Variants in MOB3B observed in about 807,000 individuals in gnomAD.
The protein encoded by MOB3B is MOB kinase activator-like 2B.
In MOB3B, 7 loss-of-function variants were observed where a neutral mutation model predicts 18.7. That is an observed-to-expected ratio of 0.37 (90% CI 0.21 to 0.70). The LOEUF (loss-of-function observed/expected upper bound fraction) is 0.70. Among genes scored for constraint, MOB3B ranks in the 30% least tolerant of loss-of-function variants. MOB3B has a pLI of 0.52. For synonymous variants in MOB3B, 111 were observed against 99.9 expected (o/e 1.11, Z -0.66); for missense variants, 253 against 281.3 (o/e 0.90, Z 0.72).
chr9:27,398,336 C>T (rs1821830673), intron 2 of MOB3B, among the ~76,000 whole-genome samples: 1 of 152,206 alleles, frequency 6.6e-6, no homozygotes, highest in Admixed American at 6.5e-5. Context: ...AGAGCAAGAA[C>T]TAACCAATGG....
At chr9:27,390,275 G>C (rs1485787870) in intron 2 of MOB3B, among the ~76,000 whole-genome samples, 1 of 152,070 alleles carries the variant, frequency 6.6e-6, no homozygotes, top group East Asian at 1.9e-4. Context: ...TTTTGAGACT[G>C]AGTCTCACTC....
chr9:27,449,621 C>G (rs1433238970), intron 2 of MOB3B, among the ~76,000 whole-genome samples: 2 of 152,146 alleles, frequency 1.3e-5, no homozygotes, highest in Non-Finnish European at 2.9e-5. Flanking sequence ...CCCATTCTGT[C>G]TTGCTAGCGT....
intron 1 of MOB3B, among the ~76,000 whole-genome samples, chr9:27,515,840 C>T (rs1820223910): frequency 6.6e-6 from 1 of 152,156 alleles, no homozygotes; most frequent in Non-Finnish European, 1.5e-5. Flanking sequence ...CTGTGTCTCC[C>T]CCAAAAATAT....
intron 2 of MOB3B, among the ~76,000 whole-genome samples, chr9:27,427,392 G>A (rs967999910): frequency 2.0e-5 from 3 of 152,220 alleles, no homozygotes; most frequent in Non-Finnish European, 4.4e-5. Context: ...TGTGGCTAAC[G>A]TCAAACATTC....
chr9:27,369,865 G>C (rs1821390436), intron 2 of MOB3B, among the ~76,000 whole-genome samples: 1 of 151,320 alleles, frequency 6.6e-6, no homozygotes, highest in Admixed American at 6.6e-5. Flanking sequence ...CTCACCCTCA[G>C]TCTAGGTAGG....
intron 1 of MOB3B, among the ~76,000 whole-genome samples, chr9:27,499,794 A>G (rs536308552): frequency 4.4e-4 from 67 of 152,288 alleles, no homozygotes; most frequent in African/African-American, 1.4e-3. Flanking sequence ...TGTATCTAAT[A>G]CTGAAGGATC....
At chr9:27,513,936 GTGGA>G (rs1452840741) in intron 1 of MOB3B, among the ~76,000 whole-genome samples, 1 of 142,080 alleles carries the variant, frequency 7.0e-6, no homozygotes, top group Admixed American at 7.1e-5. Flanking sequence ...TGGTGGGTGG[GTGGA>G]TGGATGGAAT....
chr9:27,405,869 T>C (rs1021798559), intron 2 of MOB3B, among the ~76,000 whole-genome samples: 3 of 152,132 alleles, frequency 2.0e-5, no homozygotes, highest in Non-Finnish European at 2.9e-5. Flanking sequence ...TTCAATGAAA[T>C]TCAACATTGA....
At chr9:27,360,922 G>C (rs1295876273) in intron 2 of MOB3B, among the ~76,000 whole-genome samples, 1 of 152,180 alleles carries the variant, frequency 6.6e-6, no homozygotes, top group Non-Finnish European at 1.5e-5. Flanking sequence ...TAGAGCCAAG[G>C]AGAAGGTGGA....
chr9:27,425,335 A>C (rs1361300951), intron 2 of MOB3B, among the ~76,000 whole-genome samples: 2 of 150,664 alleles, frequency 1.3e-5, no homozygotes, highest in Non-Finnish European at 3.0e-5. Context: ...AGAGCGCGCC[A>C]TTGCACTCCA....
At chr9:27,496,036 T>C (rs933154024) in intron 1 of MOB3B, among the ~76,000 whole-genome samples, 1 of 152,218 alleles carries the variant, frequency 6.6e-6, no homozygotes, top group African/African-American at 2.4e-5. Flanking sequence ...CTAAGGCACA[T>C]AGAAGCGTTA....
chr9:27,510,937 C>T (rs1466080927), intron 1 of MOB3B, among the ~76,000 whole-genome samples: 1 of 152,156 alleles, frequency 6.6e-6, no homozygotes, highest in African/African-American at 2.4e-5. Context: ...CCTCCTTTTG[C>T]CACAGAAGTC....
intron 2 of MOB3B, among the ~76,000 whole-genome samples, chr9:27,401,565 A>G (rs942565786): frequency 6.6e-6 from 1 of 152,136 alleles, no homozygotes; most frequent in African/African-American, 2.4e-5. Context: ...CCACAGGTAT[A>G]TTACCCCTTA....
intron 2 of MOB3B, among the ~76,000 whole-genome samples, chr9:27,448,688 G>C (rs1822734106): frequency 6.6e-6 from 1 of 152,182 alleles, no homozygotes; most frequent in African/African-American, 2.4e-5. Flanking sequence ...AGCAGATGAA[G>C]TGTTTAAGGT....
Position 27,362,283 on chromosome 9 carries a change from T to C in MOB3B, c.419-3047A>G, listed in dbSNP as rs540260934. Among the ~76,000 whole-genome samples the C allele has an allele frequency of 7.2e-5, 11 of 152,304 alleles. No individual in the cohort carries two copies. The South Asian group carries it at 2.3e-3, about 32-fold the overall frequency. On this transcript the variant is annotated intron_variant, in intron 2 of 3. Coordinates refer to ENST00000262244, the MANE Select transcript of MOB3B (RefSeq NM_024761.5). ...CTGACTTCTTACTAGCTACAGCTTA[T>C]GTAGCCTATGTAGCTAGTAAGCAGT...
intron 1 of MOB3B, among the ~76,000 whole-genome samples, chr9:27,512,512 T>A (rs1018067759): frequency 3.3e-5 from 5 of 152,158 alleles, no homozygotes; most frequent in African/African-American, 7.2e-5. Context: ...GAATTTTCTA[T>A]GTTTCAACCT....
intron 1 of MOB3B, among the ~76,000 whole-genome samples, chr9:27,511,730 A>G (rs1036778337): frequency 6.6e-6 from 1 of 152,136 alleles, no homozygotes; most frequent in Non-Finnish European, 1.5e-5. Context: ...GACAACTCCA[A>G]TCCTCTCCAG....
In MOB3B at chr9:27,373,764, A is replaced by G. The variant is rs114590287; in HGVS notation, c.419-14528T>C. ...ATCCAATGGCACCAGCCATGTAAAT[A>G]TCCTTATCCCAAAAAAAACCAACAA... On this transcript the variant is annotated intron_variant, in intron 2 of 3. Transcript: ENST00000262244. Among the ~76,000 whole-genome samples the G allele has an allele frequency of 3.2e-3, 483 of 152,358 alleles. 1 individual carries two copies. Among genetic ancestry groups the G allele is most frequent in the African/African-American group, 0.011 (460 of 41,588 alleles).
chr9:27,337,973 A>T (rs1820887636), intron 3 of MOB3B, among the ~76,000 whole-genome samples: 1 of 152,178 alleles, frequency 6.6e-6, no homozygotes, highest in African/African-American at 2.4e-5. Flanking sequence ...GGTAACAGCC[A>T]CATGATTCCA....
Sources: gnomAD v4.1 joint callset for allele counts (sites outside exome capture counted in the v4.1 genomes callset) on GRCh38, gnomAD v4.1.1 for gene constraint, MANE v1.5 for transcripts, NCBI Gene and HGNC (gene_info 2026-07-23, HGNC 2026-07-21) for gene names.